The following HAUS6 variants were observed in gnomAD, a reference collection of about 807,000 sequenced individuals.
HAUS6 encodes HAUS augmin like complex subunit 6, also known as HAUS augmin-like complex subunit 6.
A neutral mutation model predicts 106.8 loss-of-function variants in HAUS6; 80 were observed. The ratio of observed to expected loss-of-function variants is 0.75; its 90% CI spans 0.63 to 0.90. The LOEUF (loss-of-function observed/expected upper bound fraction) is 0.90. Among genes scored for constraint, HAUS6 ranks in the 40% least tolerant of loss-of-function variants. HAUS6 has a pLI of 0.00. For synonymous variants in HAUS6, 356 were observed against 379.1 expected, an observed-to-expected ratio of 0.94 and a Z score of 0.71; for missense variants, 1,155 against 1,118.1, an observed-to-expected ratio of 1.03 and a Z score of -0.47.
intron 7 of HAUS6, among the ~76,000 whole-genome samples, chr9:19,086,378 T>C (rs1837296269): frequency 1.3e-5 from 2 of 151,872 alleles, no homozygotes; most frequent in East Asian, 1.9e-4. Context: ...CCCAGCACTT[T>C]GGGAGGCCAA....
intron 11 of HAUS6, among the ~76,000 whole-genome samples, chr9:19,074,854 CAT>C (rs763004635): frequency 5.3e-5 from 8 of 152,128 alleles, no homozygotes; most frequent in Non-Finnish European, 7.3e-5. Flanking sequence ...GTCTTGTACA[CAT>C]GTGCTAATTA....
chr9:19,094,486 C>T (rs1817820769), intron 2 of HAUS6, 91 bp from the exon 3 acceptor site: 1 of 729,322 alleles, frequency 1.4e-6, no homozygotes, highest in African/African-American at 1.8e-5. Context: ...AAACTTATTT[C>T]TAATACCAGA....
At chr9:19,069,527 A>G (rs1564010772) in intron 12 of HAUS6, among the ~76,000 whole-genome samples, 1 of 151,962 alleles carries the variant, frequency 6.6e-6, no homozygotes, top group African/African-American at 2.4e-5. Context: ...CATCTCTACT[A>G]AAAATACAAA....
chr9:19,093,688 G>A, intron 3 of HAUS6, among the ~76,000 whole-genome samples: 1 of 152,136 alleles, frequency 6.6e-6, no homozygotes, highest in East Asian at 1.9e-4. Flanking sequence ...GGCCAACATG[G>A]TGAAACCCCG....
chr9:19,090,786 A>G (rs1325580061), intron 4 of HAUS6, among the ~76,000 whole-genome samples: 13 of 152,238 alleles, frequency 8.5e-5, no homozygotes, highest in Admixed American at 2.0e-4. Flanking sequence ...ATAACCAAAT[A>G]AAACCACTGT....
chr9:19,093,262 T>A lies in HAUS6; in HGVS notation c.345A>T (p.Leu115=). ...GSSFPQVVGS[L]FLSPGGPKFI... ...ACTTAGGACCACCAGGAGAAAGAAA[T>A]AGTGAACCAACAACTTGAGGAAAGC... Residue 115 remains leucine, a synonymous_variant, in exon 4 of 17, where the codon CTA becomes CTT. Coordinates refer to ENST00000380502, the MANE Select transcript of HAUS6 (RefSeq NM_017645.5). 6.2e-7 allele frequency: 1 copy of A among 1,609,930 alleles called. No homozygotes were observed. The highest frequency in any genetic ancestry group is 1.1e-5 in the South Asian group (1 of 90,442).
At position 19,060,096 on chromosome 9, in the gene HAUS6, T is replaced by C. The variant is rs1445888415; in HGVS notation, c.1757A>G (p.Glu586Gly). Residue 586 changes from glutamate (E) to glycine (G), a missense_variant, in exon 15 of 17, where the codon GAA (glutamate) becomes GGA (glycine). Physicochemically the swap from Glu to Gly is moderately conservative, Grantham distance 98. This residue lies in a region of HAUS6 where 761 missense variants were observed against 690.0 expected (regional missense o/e 1.10). Coordinates refer to ENST00000380502, the MANE Select transcript of HAUS6 (RefSeq NM_017645.5). ...AAGCATTATTAACTTACTCAAGTTT[T>C]CTGGAGTACGGGGAATCTGATTCCT... The part of the protein sequence containing the change: ...LTRNQIPRTP[E>G]NLITEIRSSW... The C allele has an allele frequency of 6.2e-7, 1 of 1,606,454 alleles. No individual in the cohort carries two copies. The highest frequency in any genetic ancestry group is 2.2e-5 in the East Asian group (1 of 44,842).
intron 3 of HAUS6, 39 bp downstream of exon 3, chr9:19,094,278 T>G (rs750503212): frequency 8.2e-7 from 1 of 1,222,658 alleles, no homozygotes; most frequent in African/African-American, 1.5e-5. Context: ...AGTTTTTAAC[T>G]TCTTAAAGTC....
rs369269946 is a variant in HAUS6 at position 19,096,660 on chromosome 9, T to C, written c.224+14A>G. On this transcript the variant is annotated intron_variant, in intron 2 of 16. Coordinates refer to ENST00000380502, the MANE Select transcript of HAUS6 (RefSeq NM_017645.5). ...TGGAAAGAAATTTAAGAAAATGAAA[T>C]TATTTTTCCTTACTTGAAAACTTCT... The C allele has an allele frequency of 5.4e-4, 625 of 1,156,650 alleles. No individual in the cohort carries two copies. Among genetic ancestry groups the C allele is most frequent in the Non-Finnish European group, 7.2e-4 (580 of 800,162 alleles). 71.6% of individuals were successfully genotyped at this position (1,156,650 alleles called of 1,614,324 possible). A position where few individuals can be genotyped will look rare whatever the true frequency, so the allele number is the denominator to read the frequency against.
chr9:19,088,319 G>C (rs533450034), intron 5 of HAUS6, among the ~76,000 whole-genome samples: 58 of 152,158 alleles, frequency 3.8e-4, no homozygotes, highest in African/African-American at 1.4e-3. Flanking sequence ...GGGAGGCTGA[G>C]GCAGGAGAAT....
intron 7 of HAUS6, among the ~76,000 whole-genome samples, chr9:19,084,940 CTTTTTT>C (rs1197086466): frequency 6.7e-6 from 1 of 148,564 alleles, no homozygotes; most frequent in Non-Finnish European, 1.5e-5. Flanking sequence ...TTTTTTTTTT[CTTTTTT>C]AAGACGGGTC....
chr9:19,082,468 G>A (rs1455957747), intron 8 of HAUS6, among the ~76,000 whole-genome samples: 1 of 152,124 alleles, frequency 6.6e-6, no homozygotes, highest in African/African-American at 2.4e-5. Flanking sequence ...ATAAATTCTG[G>A]CCGGGTGCGG....
intron 16 of HAUS6, 96 bp from the exon 17 acceptor site, chr9:19,056,500 G>C (rs888536604): frequency 2.1e-5 from 15 of 702,868 alleles, no homozygotes; most frequent in Non-Finnish European, 3.3e-5. Context: ...TACAAAAAAG[G>C]TTCATAGCTT....
chr9:19,073,570 G>C (rs1043888679), intron 11 of HAUS6, among the ~76,000 whole-genome samples: 3 of 150,702 alleles, frequency 2.0e-5, no homozygotes, highest in African/African-American at 4.9e-5. Flanking sequence ...CCTGGCAAGA[G>C]TGCAAAAGCC....
intron 1 of HAUS6, among the ~76,000 whole-genome samples, chr9:19,098,087 G>C (rs137900403): frequency 1.3e-5 from 2 of 152,194 alleles, no homozygotes; most frequent in East Asian, 1.9e-4. Context: ...TCTTCTCTTT[G>C]ACACTTATTG....
rs957816589 is a variant in HAUS6 at position 19,056,569 on chromosome 9, C to T, written c.2807-165G>A. 5.3e-6 allele frequency: 3 copies of T among 563,984 alleles called. No homozygotes were observed. In the African/African-American group the frequency reaches 5.7e-5, roughly 11 times the overall value. The allele number at this position is 563,984 out of a possible 1,614,324, so 34.9% of individuals were successfully genotyped here. On this transcript the variant is annotated intron_variant, in intron 16 of 16. Coordinates refer to ENST00000380502, the MANE Select transcript of HAUS6 (RefSeq NM_017645.5). ...TTCTCACCAAAGTACCCTCTTTCTC[C>T]AGAGATCAATACATTCCTCCCAGAG...
At chr9:19,075,226 C>T (rs1054959861) in intron 11 of HAUS6, among the ~76,000 whole-genome samples, 1 of 151,960 alleles carries the variant, frequency 6.6e-6, no homozygotes, top group Non-Finnish European at 1.5e-5. Flanking sequence ...TTGCTTTGAA[C>T]TGGAGAAGTG....
In HAUS6 at chr9:19,058,570, T is replaced by C; in HGVS notation, c.2197A>G (p.Met733Val). ...ACTTCTAAGTGGTCCAATATTTTCA[T>C]AAACTCCTCTTCACTGCCACCCATC... ...DVMGGSEEEFMKILDHLEVSC... is the reference protein window; with the variant it reads ...DVMGGSEEEFVKILDHLEVSC... The change falls in exon 16 of 17, where the codon ATG (methionine) becomes GTG (valine). Residue 733 changes from methionine to valine, a missense_variant. Met to Val is a conservative substitution (Grantham distance 21, BLOSUM62 1). This residue lies in a region of HAUS6 where 380 missense variants were observed against 394.8 expected (regional missense o/e 0.96). Transcript: ENST00000380502. 6.3e-7 allele frequency: 1 copy of C among 1,596,270 alleles called. No homozygotes were observed.
Position 19,057,959 on chromosome 9 carries a change from A to G in HAUS6, c.2806+2T>C. 6.3e-7 allele frequency: 1 copy of G among 1,577,020 alleles called. No individual in the cohort carries two copies. The highest frequency in any genetic ancestry group is 1.1e-5 in the South Asian group (1 of 88,152). ...ATATGCATAGGTCTATTTAAACCTTACCCTTTAAATTAGGTAGTTCTCCAA... is the reference window on the plus strand; with the variant it reads ...ATATGCATAGGTCTATTTAAACCTTGCCCTTTAAATTAGGTAGTTCTCCAA... On this transcript the variant is annotated splice_donor_variant, in intron 16 of 16. Transcript: ENST00000380502. LOFTEE classifies it high-confidence loss of function.
Sources: allele counts gnomAD v4.1 joint callset (sites outside exome capture counted in the v4.1 genomes callset), GRCh38; gene constraint gnomAD v4.1.1; regional missense constraint gnomAD v4.1.1; transcripts MANE v1.5; gene names NCBI Gene and HGNC (gene_info 2026-07-23, HGNC 2026-07-21).